Variants in PKIB observed in about 807,000 individuals in gnomAD.
The protein encoded by PKIB is PKI-beta.
A neutral mutation model predicts 4.5 loss-of-function variants in PKIB; 2 were observed. The observed-to-expected ratio is 0.44, with a 90% confidence interval of 0.18 to 1.39. The LOEUF (loss-of-function observed/expected upper bound fraction) is 1.39. Among genes scored for constraint, PKIB ranks in the 40% most tolerant of loss-of-function variants. PKIB has a pLI of 0.27. For synonymous variants in PKIB, 38 were observed against 36.0 expected (o/e 1.06, Z -0.20); for missense variants, 94 against 92.6 (o/e 1.02, Z -0.06).
chr6:122,610,661 C>A, intron 1 of PKIB, 126 bp downstream of exon 1: 1 of 152,436 alleles, frequency 6.6e-6, no homozygotes. Context: ...CTATTTTCTG[C>A]CCTGCTGGCA....
intron 2 of PKIB, among the ~76,000 whole-genome samples, chr6:122,649,241 A>C (rs568112932): frequency 6.6e-6 from 1 of 152,148 alleles, no homozygotes; most frequent in African/African-American, 2.4e-5. Context: ...CCATCAGTCA[A>C]TATAGTCTTG....
intron 3 of PKIB, among the ~76,000 whole-genome samples, chr6:122,679,260 C>T (rs1172763559): frequency 1.3e-5 from 2 of 152,134 alleles, no homozygotes; most frequent in Admixed American, 1.3e-4. Flanking sequence ...GTTATAAGTC[C>T]TGAATGGAGG....
chr6:122,567,018 AT>A (rs1773214645), intron 2 of PKIB, among the ~76,000 whole-genome samples: 1 of 152,160 alleles, frequency 6.6e-6, no homozygotes, highest in Admixed American at 6.5e-5. Flanking sequence ...TCCCAAAATA[AT>A]TGTGGCAATT....
chr6:122,579,931 G>A (rs919251419), intron 2 of PKIB, among the ~76,000 whole-genome samples: 4 of 152,076 alleles, frequency 2.6e-5, no homozygotes, highest in Non-Finnish European at 4.4e-5. Context: ...AGAAGACATC[G>A]TATATAGATA....
intron 1 of PKIB, among the ~76,000 whole-genome samples, chr6:122,619,527 C>G (rs1775136176): frequency 6.6e-6 from 1 of 152,002 alleles, no homozygotes; most frequent in Non-Finnish European, 1.5e-5. Flanking sequence ...ACTTACCTTT[C>G]TCATAGCTGT....
intron 2 of PKIB, chr6:122,480,256 A>G (rs1028712596): frequency 1.3e-5 from 2 of 152,102 alleles, no homozygotes; most frequent in Non-Finnish European, 2.9e-5. Flanking sequence ...GTTAGCTGGG[A>G]TGGTCTTGAT....
At chr6:122,596,144 C>T (rs976049546) in intron 3 of PKIB, among the ~76,000 whole-genome samples, 4 of 152,192 alleles carry the variant, frequency 2.6e-5, no homozygotes, top group African/African-American at 9.6e-5. Flanking sequence ...GTGCACTGCT[C>T]GAAGTTCTGC....
intron 2 of PKIB, among the ~76,000 whole-genome samples, chr6:122,549,285 G>A (rs1237082634): frequency 6.6e-6 from 1 of 152,142 alleles, no homozygotes; most frequent in Non-Finnish European, 1.5e-5. Flanking sequence ...TTATTAAGAA[G>A]ATAATATGGT....
intron 3 of PKIB, among the ~76,000 whole-genome samples, chr6:122,676,616 G>A (rs1240211672): frequency 6.6e-6 from 1 of 152,152 alleles, no homozygotes; most frequent in Non-Finnish European, 1.5e-5. Context: ...GGATATCACT[G>A]AAACATTGCT....
At chr6:122,605,461 C>T (rs940070168), upstream of PKIB, among the ~76,000 whole-genome samples, 7 of 152,210 alleles carry the variant, frequency 4.6e-5, no homozygotes, top group Admixed American at 4.6e-4. Context: ...ACATTTCCTT[C>T]TTCCCTCTCT....
intron 2 of PKIB, among the ~76,000 whole-genome samples, chr6:122,526,699 A>G (rs73547230): frequency 0.017 from 2,533 of 152,232 alleles, 83 homozygotes; most frequent in African/African-American, 0.059. Context: ...TATAGAGCAC[A>G]AGCAGAGTAG....
chr6:122,550,851 T>C (rs1456929492), intron 2 of PKIB, among the ~76,000 whole-genome samples: 1 of 152,200 alleles, frequency 6.6e-6, no homozygotes, highest in African/African-American at 2.4e-5. Flanking sequence ...GCATGAGAAA[T>C]ACAATATTTG....
In PKIB at chr6:122,544,425, A is replaced by T. The variant is rs1582689065; in HGVS notation, c.-247-41496A>T. Among the ~76,000 whole-genome samples the T allele has an allele frequency of 3.3e-5, 5 of 152,050 alleles. 1 individual carries two copies. The South Asian group carries it at 1.0e-3, about 32-fold the overall frequency. On this transcript the variant is annotated intron_variant, in intron 2 of 6. Coordinates refer to the PKIB transcript ENST00000392491. ...CTAAATTGTCTGAGCATAACCTGTA[A>T]AATAAACCCCACAATCATTTGAAAA...
intron 2 of PKIB, among the ~76,000 whole-genome samples, chr6:122,657,850 A>G (rs1353496441): frequency 3.3e-5 from 5 of 152,222 alleles, no homozygotes; most frequent in African/African-American, 9.6e-5. Context: ...TACAGGAATC[A>G]TGCAGCTCTT....
At chr6:122,707,989 C>T (rs1019462701) in intron 3 of PKIB, among the ~76,000 whole-genome samples, 12 of 151,710 alleles carry the variant, frequency 7.9e-5, no homozygotes, top group African/African-American at 2.9e-4. Context: ...AGTGGAAAGA[C>T]AATTATTTTA....
At chr6:122,720,812 C>T (rs1205924584) in intron 4 of PKIB, among the ~76,000 whole-genome samples, 2 of 151,932 alleles carry the variant, frequency 1.3e-5, no homozygotes, top group African/African-American at 4.8e-5. Flanking sequence ...AGCGATTCTC[C>T]TGTCTCAGCC....
chr6:122,662,409 G>A (rs1437934086), intron 2 of PKIB, among the ~76,000 whole-genome samples: 1 of 137,190 alleles, frequency 7.3e-6, no homozygotes, highest in Admixed American at 8.0e-5. Flanking sequence ...TCCGCCTCCC[G>A]GGTTCAAGCA....
At chr6:122,656,327 G>T (rs893537152) in intron 2 of PKIB, among the ~76,000 whole-genome samples, 8 of 151,962 alleles carry the variant, frequency 5.3e-5, no homozygotes, top group African/African-American at 1.9e-4. Flanking sequence ...TTTTATTTTA[G>T]GTAAACTGCA....
At chr6:122,613,409 T>A (rs533022216) in intron 1 of PKIB, among the ~76,000 whole-genome samples, 425 of 152,322 alleles carry the variant, frequency 2.8e-3, no homozygotes, top group Non-Finnish European at 5.2e-3. Context: ...TTAGTAGATT[T>A]AGGGATCTAA....
Sources: gnomAD v4.1 joint callset for allele counts (sites outside exome capture counted in the v4.1 genomes callset) on GRCh38, gnomAD v4.1.1 for gene constraint, MANE v1.5 for transcripts, NCBI Gene and HGNC (gene_info 2026-07-23, HGNC 2026-07-21) for gene names.